The following ADAMTSL3 variants were observed in gnomAD, a reference collection of about 807,000 sequenced individuals.
The protein encoded by ADAMTSL3 is ADAMTS-like protein 3.
A neutral mutation model predicts 201.7 loss-of-function variants in ADAMTSL3; 128 were observed. That is an observed-to-expected ratio of 0.63 (90% CI 0.55 to 0.73). The LOEUF is 0.73. Ranked by LOEUF, ADAMTSL3 falls within the 30% of genes least tolerant of loss-of-function variation. The pLI, the probability that ADAMTSL3 is intolerant of heterozygous loss-of-function variation, is 0.00. For missense variants in ADAMTSL3, 1,990 were observed against 2,119.6 expected (o/e 0.94, Z 1.20); for synonymous variants, 738 against 748.4 (o/e 0.99, Z 0.23).
chr15:83,882,068 A>C (rs981201195), intron 9 of ADAMTSL3, among the ~76,000 whole-genome samples: 1 of 151,992 alleles, frequency 6.6e-6, no homozygotes, highest in African/African-American at 2.4e-5. Flanking sequence ...AGACAGGAGA[A>C]TGGTGTGAAC....
At chr15:83,690,363 C>T (rs536027776) in intron 2 of ADAMTSL3, among the ~76,000 whole-genome samples, 1 of 152,144 alleles carries the variant, frequency 6.6e-6, no homozygotes, top group Non-Finnish European at 1.5e-5. Flanking sequence ...TCCCAACTTC[C>T]CCCACATTCT....
intron 5 of ADAMTSL3, among the ~76,000 whole-genome samples, chr15:83,810,802 G>A (rs771714870): frequency 6.6e-6 from 1 of 152,000 alleles, no homozygotes; most frequent in African/African-American, 2.4e-5. Flanking sequence ...ACAGTGGCAC[G>A]ATCTCAGCTC....
chr15:83,793,131 A>G (rs961537267), intron 4 of ADAMTSL3, among the ~76,000 whole-genome samples: 3 of 152,226 alleles, frequency 2.0e-5, no homozygotes, highest in Non-Finnish European at 4.4e-5. Flanking sequence ...ACGCTAAAAA[A>G]GTTGATCTCG....
At chr15:83,777,751 A>T (rs1194850719) in intron 4 of ADAMTSL3, among the ~76,000 whole-genome samples, 1 of 152,194 alleles carries the variant, frequency 6.6e-6, no homozygotes, top group Non-Finnish European at 1.5e-5. Flanking sequence ...CTCTCCAGCA[A>T]GTGTTCTGAA....
At chr15:83,702,096 T>C (rs1277119499) in intron 2 of ADAMTSL3, among the ~76,000 whole-genome samples, 1 of 152,184 alleles carries the variant, frequency 6.6e-6, no homozygotes, top group African/African-American at 2.4e-5. Flanking sequence ...ACTCTTGTTA[T>C]GTTTTGGCAA....
At position 83,906,622 on chromosome 15, in the gene ADAMTSL3, C is replaced by CCACA. The variant is rs1157198460; in HGVS notation, c.1701-6417_1701-6414dup. The stretch of plus-strand genomic sequence containing the variant: ...CTATATATTTATATAGTGCCACACA[C>CCACA]CACACACACACACACACACACACAC... On this transcript the variant is annotated intron_variant, in intron 15 of 29. Transcript: ENST00000286744. Among the ~76,000 whole-genome samples the CCACA allele has an allele frequency of 3.7e-3, 295 of 78,996 alleles. 1 individual carries two copies. Among genetic ancestry groups the CCACA allele is most frequent in the South Asian group, 0.023 (52 of 2,234 alleles). The allele number at this position is 78,996 out of a possible 152,430, so 51.8% of individuals were successfully genotyped here.
chr15:83,694,903 C>A (rs1470981852), intron 2 of ADAMTSL3, among the ~76,000 whole-genome samples: 1 of 152,154 alleles, frequency 6.6e-6, no homozygotes, highest in Non-Finnish European at 1.5e-5. Context: ...TCATACAACT[C>A]CATGTTTAGG....
intron 19 of ADAMTSL3, among the ~76,000 whole-genome samples, chr15:83,957,692 G>A (rs1435981951): frequency 6.6e-6 from 1 of 152,154 alleles, no homozygotes; most frequent in Non-Finnish European, 1.5e-5. Context: ...AGCATATTCA[G>A]AAAGTGACTT....
rs2141937574 is a variant in ADAMTSL3 at position 84,031,382 on chromosome 15, C to T, written c.4704C>T (p.His1568=). ...MGRAVRMQQR[H]TACQHNSSDS... ...GTGCTGTGAGGATGCAGCAGCGTCA[C>T]ACAGCTTGTCAACACAACAGCTCTG... Residue 1568 remains histidine, a synonymous_variant, in exon 28 of 30, where the codon CAC becomes CAT. Transcript: ENST00000286744. 6.2e-7 allele frequency: 1 copy of T among 1,614,092 alleles called. No individual in the cohort carries two copies. The highest frequency in any genetic ancestry group is 8.5e-7 in the Non-Finnish European group (1 of 1,180,028).
At chr15:83,742,907 C>G (rs1596124472) in intron 3 of ADAMTSL3, among the ~76,000 whole-genome samples, 1 of 152,142 alleles carries the variant, frequency 6.6e-6, no homozygotes, top group Admixed American at 6.5e-5. Context: ...GAAAACTGTT[C>G]TTTGATCTCC....
chr15:83,838,249 T>C (rs369989524), intron 7 of ADAMTSL3, 34 bp downstream of exon 7: 1 of 1,604,176 alleles, frequency 6.2e-7, no homozygotes, highest in African/African-American at 1.3e-5. Flanking sequence ...ATTACCATCA[T>C]ACAAGATATA....
intron 2 of ADAMTSL3, among the ~76,000 whole-genome samples, chr15:83,695,250 G>A (rs59020391): frequency 8.1e-4 from 28 of 34,450 alleles, no homozygotes; most frequent in East Asian, 2.0e-3. Flanking sequence ...GTGTGTGTGT[G>A]TGTGTGTGTG....
chr15:83,838,276 G>A, intron 7 of ADAMTSL3, 61 bp downstream of exon 7: 2 of 1,537,250 alleles, frequency 1.3e-6, no homozygotes, highest in Non-Finnish European at 1.7e-6. Flanking sequence ...ACTGTCTATT[G>A]CTAGAATAAC....
intron 3 of ADAMTSL3, among the ~76,000 whole-genome samples, chr15:83,759,382 T>C (rs1245396817): frequency 6.6e-6 from 1 of 152,056 alleles, no homozygotes; most frequent in Non-Finnish European, 1.5e-5. Context: ...CCCGCCACCA[T>C]GCCCAGCTAA....
intron 8 of ADAMTSL3, among the ~76,000 whole-genome samples, chr15:83,870,521 A>G (rs1296180924): frequency 1.3e-5 from 2 of 152,234 alleles, no homozygotes; most frequent in Non-Finnish European, 2.9e-5. Context: ...TCATGAAAAC[A>G]TATAAAGAAA....
chr15:83,945,458 G>A (rs919414923), intron 19 of ADAMTSL3, among the ~76,000 whole-genome samples: 2 of 152,170 alleles, frequency 1.3e-5, no homozygotes, highest in African/African-American at 4.8e-5. Flanking sequence ...ACGGCCCAAG[G>A]GAGAATCATT....
At chr15:83,972,256 A>G (rs1431941496) in intron 20 of ADAMTSL3, among the ~76,000 whole-genome samples, 2 of 152,152 alleles carry the variant, frequency 1.3e-5, no homozygotes, top group African/African-American at 4.8e-5. Flanking sequence ...ATGCTGATTC[A>G]TGGACAACAT....
intron 6 of ADAMTSL3, among the ~76,000 whole-genome samples, chr15:83,836,237 G>A (rs966691816): frequency 3.9e-5 from 6 of 152,058 alleles, no homozygotes; most frequent in Non-Finnish European, 1.5e-5. Context: ...CCTAGACTAT[G>A]ATTGAATACT....
At chr15:83,900,618 T>C (rs1450107863) in intron 15 of ADAMTSL3, among the ~76,000 whole-genome samples, 1 of 152,236 alleles carries the variant, frequency 6.6e-6, no homozygotes. Context: ...TCAGCAGTAA[T>C]CTGGCCACTT....
Sources: allele counts gnomAD v4.1 joint callset (sites outside exome capture counted in the v4.1 genomes callset), GRCh38; gene constraint gnomAD v4.1.1; transcripts MANE v1.5; gene names NCBI Gene and HGNC (gene_info 2026-07-23, HGNC 2026-07-21).